TANC1: variants seen among roughly 807,000 people sequenced by gnomAD.
The protein encoded by TANC1 is tetratricopeptide repeat, ankyrin repeat and coiled-coil containing 1.
A neutral mutation model predicts 149.7 loss-of-function variants in TANC1; 77 were observed. The observed-to-expected ratio is 0.51, with a 90% CI of 0.43 to 0.62. The LOEUF is 0.62. TANC1 is among the 20% of genes least tolerant of loss of function. The pLI, the probability that TANC1 is intolerant of heterozygous loss-of-function variation, is 0.00. For missense variants in TANC1, 1,985 were observed against 2,321.8 expected (o/e 0.85, Z 2.98); for synonymous variants, 854 against 925.0 (o/e 0.92, Z 1.39).
chr2:159,108,610 G>A (rs1185576309), intron 4 of TANC1, among the ~76,000 whole-genome samples: 1 of 152,198 alleles, frequency 6.6e-6, no homozygotes, highest in Non-Finnish European at 1.5e-5. Flanking sequence ...ATGAGCACTA[G>A]TGTAAAGCAG....
At chr2:159,108,438 C>A (rs372356263) in intron 4 of TANC1, among the ~76,000 whole-genome samples, 1 of 152,104 alleles carries the variant, frequency 6.6e-6, no homozygotes, top group Non-Finnish European at 1.5e-5. Flanking sequence ...TGTCAGATGG[C>A]GGCTGGAACA....
intron 4 of TANC1, among the ~76,000 whole-genome samples, chr2:159,123,370 T>G (rs2049056515): frequency 6.6e-6 from 1 of 152,126 alleles, no homozygotes; most frequent in Non-Finnish European, 1.5e-5. Context: ...TGCTATTGAG[T>G]GAGACATAGG....
chr2:159,045,215 T>C (rs1157989335), intron 2 of TANC1, among the ~76,000 whole-genome samples: 2 of 152,112 alleles, frequency 1.3e-5, no homozygotes, highest in African/African-American at 4.8e-5. Flanking sequence ...TCCTAGCACT[T>C]TGAGAGGCTG....
intron 4 of TANC1, among the ~76,000 whole-genome samples, chr2:159,107,790 T>G (rs2047335619): frequency 6.6e-6 from 1 of 152,210 alleles, no homozygotes; most frequent in Non-Finnish European, 1.5e-5. Flanking sequence ...TGCCTCTCCT[T>G]TTCTCTAGGT....
chr2:159,217,852 A>G (rs1256635375), intron 20 of TANC1, among the ~76,000 whole-genome samples: 1 of 152,224 alleles, frequency 6.6e-6, no homozygotes, highest in Non-Finnish European at 1.5e-5. Context: ...TGAGCTATCC[A>G]GGTCAGAGAC....
At chr2:159,086,141 C>G (rs1225406611) in intron 3 of TANC1, among the ~76,000 whole-genome samples, 2 of 151,936 alleles carry the variant, frequency 1.3e-5, no homozygotes, top group Admixed American at 6.5e-5. Context: ...TGTCATTTCT[C>G]ATGTCACCTT....
chr2:159,148,379 A>G (rs1041731654), intron 5 of TANC1: 12 of 152,218 alleles, frequency 7.9e-5, no homozygotes, highest in Non-Finnish European at 1.6e-4. Context: ...CAACCATAAA[A>G]TTCTCTTAAG....
chr2:159,146,527 T>G, intron 5 of TANC1, among the ~76,000 whole-genome samples: 1 of 140,950 alleles, frequency 7.1e-6, no homozygotes, highest in East Asian at 2.1e-4. Flanking sequence ...AATTTGGGTG[T>G]CCCTTTTCCT....
chr2:159,111,048 T>C (rs1027800466), intron 4 of TANC1, among the ~76,000 whole-genome samples: 1 of 152,220 alleles, frequency 6.6e-6, no homozygotes, highest in African/African-American at 2.4e-5. Context: ...ATGTTATGTA[T>C]GTAGAATTAC....
chr2:159,129,772 A>T (rs1183041732), intron 4 of TANC1, among the ~76,000 whole-genome samples: 2 of 152,228 alleles, frequency 1.3e-5, no homozygotes, highest in Admixed American at 6.5e-5. Flanking sequence ...TCTAGAGTTC[A>T]GATGAAGTAG....
intron 2 of TANC1, among the ~76,000 whole-genome samples, chr2:159,047,819 T>G (rs1017159645): frequency 6.6e-6 from 1 of 152,222 alleles, no homozygotes; most frequent in Non-Finnish European, 1.5e-5. Context: ...GAATAAACTT[T>G]CTAAATTGAG....
chr2:159,134,585 C>T (rs1479177144), intron 4 of TANC1, among the ~76,000 whole-genome samples: 1 of 152,034 alleles, frequency 6.6e-6, no homozygotes, highest in Non-Finnish European at 1.5e-5. Flanking sequence ...TGGGTTCAAG[C>T]GATTCTCCTG....
intron 2 of TANC1, among the ~76,000 whole-genome samples, chr2:159,015,646 T>C (rs2149397649): frequency 6.6e-6 from 1 of 152,340 alleles, no homozygotes; most frequent in East Asian, 1.9e-4. Flanking sequence ...ATGCCTTTAA[T>C]AGCACCCAGG....
At chr2:159,162,697 T>C (rs2054164069) in intron 7 of TANC1, among the ~76,000 whole-genome samples, 1 of 152,232 alleles carries the variant, frequency 6.6e-6, no homozygotes, top group Admixed American at 6.5e-5. Context: ...GGGAAGGTTT[T>C]CCATTTCGTG....
At chr2:159,220,116 C>T (rs1268742090) in intron 22 of TANC1, among the ~76,000 whole-genome samples, 1 of 151,772 alleles carries the variant, frequency 6.6e-6, no homozygotes, top group Non-Finnish European at 1.5e-5. Flanking sequence ...TTAAAAATAC[C>T]TGCTTGCAAA....
At chr2:159,034,420 A>G (rs431031) in intron 2 of TANC1, among the ~76,000 whole-genome samples, 33,144 of 152,132 alleles carry the variant, frequency 0.22, 3,940 homozygotes, top group South Asian at 0.45. Context: ...GTGACTCTCA[A>G]TCCTGGCTAC....
intron 7 of TANC1, among the ~76,000 whole-genome samples, chr2:159,156,463 G>T (rs180791678): frequency 6.6e-6 from 1 of 152,154 alleles, no homozygotes; most frequent in Non-Finnish European, 1.5e-5. Flanking sequence ...GCATTTATTG[G>T]CGCCTACTGT....
chr2:158,999,923 G>A (rs1053155819), intron 1 of TANC1, among the ~76,000 whole-genome samples: 1 of 152,220 alleles, frequency 6.6e-6, no homozygotes, highest in African/African-American at 2.4e-5. Context: ...GAGAAGCTGG[G>A]GCAGGGGGTT....
Position 159,224,298 on chromosome 2 carries a change from G to T in TANC1, c.3745G>T (p.Asp1249Tyr). The stretch of plus-strand genomic sequence containing the variant: ...GGACCACAGCGGGATGCGGCCCTTG[G>T]ACAGAGCCATCGGCTGCCGGAACAC... ...HVDHSGMRPL[D>Y]RAIGCRNTSV... Residue 1249 changes from aspartate to tyrosine, a missense_variant, in exon 23 of 27, where the codon GAC becomes TAC. Around this residue, in one of 3 missense-constraint regions of TANC1, gnomAD observed 920 missense variants for 994.7 expected, o/e 0.92. Transcript: ENST00000263635. 6.2e-7 allele frequency: 1 copy of T among 1,614,186 alleles called. No homozygotes were observed. The highest frequency in any genetic ancestry group is 1.3e-5 in the African/African-American group (1 of 75,038).
Sources: gnomAD v4.1 joint callset for allele counts (sites outside exome capture counted in the v4.1 genomes callset) on GRCh38, gnomAD v4.1.1 for gene constraint, gnomAD v4.1.1 regional missense constraint, MANE v1.5 for transcripts, NCBI Gene and HGNC (gene_info 2026-07-23, HGNC 2026-07-21) for gene names.